The following LGSN variants were observed in gnomAD, a reference collection of about 807,000 sequenced individuals.
LGSN encodes lengsin, lens protein with glutamine synthetase domain, also known as lengsin.
A neutral mutation model predicts 19.5 loss-of-function variants in LGSN; 21 were observed. The ratio of observed to expected loss-of-function variants is 1.07; its 90% CI spans 0.76 to 1.55. The LOEUF (loss-of-function observed/expected upper bound fraction) is 1.55. Ranked by LOEUF, LGSN falls within the 40% of genes most tolerant of loss-of-function variation. LGSN has a pLI of 0.00. For missense variants in LGSN, 673 were observed against 608.5 expected (o/e 1.11, Z -1.12); for synonymous variants, 257 against 215.6 (o/e 1.19, Z -1.68).
At chr6:63,415,298 G>A in the LGSN span, among the ~76,000 whole-genome samples, 1 of 152,150 alleles carries the variant, frequency 6.6e-6, no homozygotes, top group South Asian at 2.1e-4. Context: ...TTCAGCCTGG[G>A]AAACAGAGGG....
the LGSN span, among the ~76,000 whole-genome samples, chr6:63,435,851 C>A: frequency 6.8e-6 from 1 of 147,676 alleles, no homozygotes; most frequent in Non-Finnish European, 1.5e-5. Context: ...AGTTTTCTTT[C>A]AGTTTTAAGA....
chr6:63,399,254 T>C, the LGSN span, among the ~76,000 whole-genome samples: 1 of 152,198 alleles, frequency 6.6e-6, no homozygotes, highest in African/African-American at 2.4e-5. Flanking sequence ...CAATAGGCTA[T>C]ACCTTATAGC....
In LGSN at chr6:63,280,729, A is replaced by T; in HGVS notation, c.822T>A (p.Phe274Leu). 1 of 1,614,188 alleles carries T rather than the reference A, an allele frequency of 6.2e-7. No individual in the cohort carries two copies. The highest frequency in any genetic ancestry group is 8.5e-7 in the Non-Finnish European group (1 of 1,180,034). The stretch of plus-strand genomic sequence containing the variant: ...ATGCATTATCAGCTGAGCTAATGCC[A>T]AATTCAGGCAGGAAAGAGATTTCCA... ...GQMEISFLPE[F>L]GISSADNAFT... The change falls in exon 4 of 4, where the codon TTT becomes TTA. Residue 274 changes from phenylalanine (F) to leucine (L), a missense_variant. Physicochemically the swap from Phe to Leu is conservative, Grantham distance 22 (BLOSUM62 0). Coordinates refer to ENST00000370657, the MANE Select transcript of LGSN (RefSeq NM_016571.3).
the LGSN span, among the ~76,000 whole-genome samples, chr6:63,566,921 G>A: frequency 6.6e-6 from 1 of 152,106 alleles, no homozygotes; most frequent in Admixed American, 6.5e-5. Flanking sequence ...CAATGCTTAC[G>A]GCATCTTCAC....
chr6:63,321,628 G>T (rs867474473), upstream of LGSN, among the ~76,000 whole-genome samples: 3 of 152,042 alleles, frequency 2.0e-5, no homozygotes, highest in Middle Eastern at 0.01. Context: ...TCTAAAGCTT[G>T]GTTGGACATA....
At chr6:63,532,756 T>G in the LGSN span, among the ~76,000 whole-genome samples, 2 of 152,096 alleles carry the variant, frequency 1.3e-5, no homozygotes, top group Non-Finnish European at 2.9e-5. Flanking sequence ...CAAAAACACA[T>G]GAGCATGTTC....
chr6:63,376,225 A>C, the LGSN span, among the ~76,000 whole-genome samples: 1 of 152,142 alleles, frequency 6.6e-6, no homozygotes, highest in East Asian at 1.9e-4. Context: ...GGCAGAGAAA[A>C]AGCTTTCTAT....
At chr6:63,474,295 G>T in the LGSN span, among the ~76,000 whole-genome samples, 1 of 152,098 alleles carries the variant, frequency 6.6e-6, no homozygotes, top group African/African-American at 2.4e-5. Context: ...ATATTTCTTT[G>T]CATTCATGTT....
the LGSN span, among the ~76,000 whole-genome samples, chr6:63,536,645 G>A: frequency 3.8e-4 from 58 of 152,150 alleles, 2 homozygotes; most frequent in South Asian, 7.1e-3. Context: ...TGTGTCAGTC[G>A]CGATAACTGT....
the LGSN span, among the ~76,000 whole-genome samples, chr6:63,466,125 C>T: frequency 1.3e-5 from 2 of 152,232 alleles, no homozygotes; most frequent in Admixed American, 6.5e-5. Context: ...GTCTTGAACT[C>T]CTGGCCTCAA....
At chr6:63,502,000 G>C in the LGSN span, among the ~76,000 whole-genome samples, 1 of 152,136 alleles carries the variant, frequency 6.6e-6, no homozygotes, top group East Asian at 1.9e-4. Flanking sequence ...GGGTCTTGCT[G>C]TGTTGCCCAG....
the LGSN span, among the ~76,000 whole-genome samples, chr6:63,442,564 A>G: frequency 6.0e-3 from 910 of 152,236 alleles, 7 homozygotes; most frequent in African/African-American, 0.02. Flanking sequence ...GATTAGCTAG[A>G]CACAGAGCAC....
chr6:63,386,605 T>C, the LGSN span, among the ~76,000 whole-genome samples: 2 of 152,202 alleles, frequency 1.3e-5, no homozygotes, highest in African/African-American at 2.4e-5. Flanking sequence ...AAATGCTTTG[T>C]ATCTAATAAT....
the LGSN span, among the ~76,000 whole-genome samples, chr6:63,520,692 A>C: frequency 9.9e-5 from 15 of 151,806 alleles, no homozygotes; most frequent in African/African-American, 3.4e-4. Flanking sequence ...AGATATCTGA[A>C]AAAAAAGACT....
chr6:63,490,878 G>C, the LGSN span, among the ~76,000 whole-genome samples: 2 of 152,154 alleles, frequency 1.3e-5, no homozygotes, highest in Admixed American at 6.5e-5. Context: ...ATAAGTCCCA[G>C]TTCAAGTATG....
At chr6:63,517,028 C>G in the LGSN span, among the ~76,000 whole-genome samples, 1 of 152,252 alleles carries the variant, frequency 6.6e-6, no homozygotes, top group Non-Finnish European at 1.5e-5. Flanking sequence ...ATTTATTTCT[C>G]TGTCTGCCAA....
At chr6:63,304,029 A>G (rs1768281819) in intron 1 of LGSN, among the ~76,000 whole-genome samples, 1 of 152,192 alleles carries the variant, frequency 6.6e-6, no homozygotes. Context: ...TCTTGGAACA[A>G]CACAGTGGGA....
the LGSN span, among the ~76,000 whole-genome samples, chr6:63,486,362 G>A: frequency 6.6e-6 from 1 of 152,172 alleles, no homozygotes; most frequent in South Asian, 2.1e-4. Context: ...CAGCCAAAGA[G>A]ATCCTGAACA....
At chr6:63,518,147 C>A in the LGSN span, among the ~76,000 whole-genome samples, 1 of 144,468 alleles carries the variant, frequency 6.9e-6, no homozygotes, top group Admixed American at 6.8e-5. Flanking sequence ...CAGTGAGACT[C>A]CGTCTCCAAA....
Sources: allele counts gnomAD v4.1 joint callset (sites outside exome capture counted in the v4.1 genomes callset), GRCh38; gene constraint gnomAD v4.1.1; transcripts MANE v1.5; gene names NCBI Gene and HGNC (gene_info 2026-07-23, HGNC 2026-07-21).